IRF4: variants seen among roughly 807,000 people sequenced by gnomAD.
The protein encoded by IRF4 is interferon regulatory factor 4.
Under a neutral mutation model 55.5 loss-of-function variants are expected in IRF4, and 13 were observed. That is an observed-to-expected ratio of 0.23 (90% confidence interval 0.15 to 0.37). The LOEUF (loss-of-function observed/expected upper bound fraction) is 0.37. Among genes scored for constraint, IRF4 ranks in the 10% least tolerant of loss-of-function variants. IRF4 has a pLI of 1.00. For synonymous variants in IRF4, 249 were observed against 240.7 expected, an observed-to-expected ratio of 1.03 and a Z score of -0.32; for missense variants, 397 against 593.8, an observed-to-expected ratio of 0.67 and a Z score of 3.44.
intron 8 of IRF4, chr6:406,773 G>A: frequency 9.2e-6 from 11 of 1,191,720 alleles, no homozygotes; most frequent in Non-Finnish European, 1.1e-5. Flanking sequence ...CAGGTACTTA[G>A]GAGTTTAGCT....
intron 3 of IRF4, among the ~76,000 whole-genome samples, 158 bp downstream of exon 3, chr6:395,165 T>C (rs942496777): frequency 3.3e-5 from 5 of 151,822 alleles, no homozygotes; most frequent in Non-Finnish European, 7.3e-5. Context: ...GCCTGAGTTA[T>C]GTGGGTCACA....
At position 408,667 on chromosome 6, in the gene IRF4, A is replaced by C. The variant is rs180974601; in HGVS notation, c.*1069A>C. 2 of 229,814 alleles carry C rather than the reference A, an allele frequency of 8.7e-6. No homozygotes were observed. The highest frequency in any genetic ancestry group is 1.7e-5 in the Non-Finnish European group (2 of 115,834). The allele number at this position is 229,814 out of a possible 1,614,324, so 14.2% of individuals were successfully genotyped here. ...TGCCCTTCTGTCCAAGTACTTAACTATCTGTTCCCTTCCTCTGTGCCACGC... is the reference window on the plus strand; with the variant it reads ...TGCCCTTCTGTCCAAGTACTTAACTCTCTGTTCCCTTCCTCTGTGCCACGC... On this transcript the variant is annotated 3_prime_UTR_variant, in exon 9 of 9. Transcript: ENST00000380956.
chr6:409,355 C>T lies in IRF4; in HGVS notation c.*1757C>T, dbSNP rs1468543292. 1 of 198,170 alleles carries T rather than the reference C, an allele frequency of 5.0e-6. No homozygotes were observed. The highest frequency in any genetic ancestry group is 7.7e-5 in the East Asian group (1 of 12,984). 12.3% of individuals were successfully genotyped at this position (198,170 alleles called of 1,614,324 possible). ...AAAATAAAAAGGATCTCCTTTTTTCCCAGCCCAAATTCTCCTCTCTAAAAG... is the reference window on the plus strand; with the variant it reads ...AAAATAAAAAGGATCTCCTTTTTTCTCAGCCCAAATTCTCCTCTCTAAAAG... On this transcript the variant is annotated 3_prime_UTR_variant, in exon 9 of 9. Transcript: ENST00000380956.
At position 409,212 on chromosome 6, in the gene IRF4, G is replaced by A. The variant is rs867615954; in HGVS notation, c.*1614G>A. The A allele has an allele frequency of 4.2e-4, 85 of 203,058 alleles. No homozygotes were observed. The highest frequency in any genetic ancestry group is 1.9e-3 in the African/African-American group (81 of 43,610). The allele number at this position is 203,058 out of a possible 1,614,324, so 12.6% of individuals were successfully genotyped here. On this transcript the variant is annotated 3_prime_UTR_variant, in exon 9 of 9. Coordinates refer to ENST00000380956, the MANE Select transcript of IRF4 (RefSeq NM_002460.4). Reference sequence around the variant, plus strand: ...CAGCCTTTATCAAGCTTAGTGAGCAGTGAGCACTGAAACATTATTTTTTAA... The same window carrying A: ...CAGCCTTTATCAAGCTTAGTGAGCAATGAGCACTGAAACATTATTTTTTAA...
Position 408,287 on chromosome 6 carries a change from G to A in IRF4, c.*689G>A. 4.3e-6 allele frequency: 1 copy of A among 232,266 alleles called. No homozygotes were observed. The highest frequency in any genetic ancestry group is 8.5e-6 in the Non-Finnish European group (1 of 117,130). 14.4% of individuals were successfully genotyped at this position (232,266 alleles called of 1,614,324 possible). On this transcript the variant is annotated 3_prime_UTR_variant, in exon 9 of 9. Coordinates refer to ENST00000380956, the MANE Select transcript of IRF4 (RefSeq NM_002460.4). ...AGTTCTTGTGGAAGACACTTGCTGA[G>A]TGAAGGAAATGAATCTTTGACTGAA... is the stretch of plus-strand genomic sequence containing the variant.
At chr6:400,374 T>C (rs1466108416) in intron 6 of IRF4, among the ~76,000 whole-genome samples, 1 of 152,166 alleles carries the variant, frequency 6.6e-6, no homozygotes, top group Non-Finnish European at 1.5e-5. Flanking sequence ...CTTGGTTCTT[T>C]CAACTCATGG....
chr6:393,012 G>T lies in IRF4; in HGVS notation c.-55-86G>T. The T allele has an allele frequency of 1.3e-6, 1 of 747,832 alleles. No homozygotes were observed. The highest frequency in any genetic ancestry group is 2.1e-6 in the Non-Finnish European group (1 of 476,326). The allele number at this position is 747,832 out of a possible 1,614,324, so 46.3% of individuals were successfully genotyped here. A position where few individuals can be genotyped will look rare whatever the true frequency, so the allele number is the denominator to read the frequency against. On this transcript the variant is annotated intron_variant, in intron 1 of 8. Coordinates refer to ENST00000380956, the MANE Select transcript of IRF4 (RefSeq NM_002460.4). This position sits in a 1 kb window ranked among gnomAD's most constrained non-coding sequence, Gnocchi z 5.4. Reference sequence around the variant, plus strand: ...GCTTCGCAGCCTCAAAGACTCCGGGGCCTCGTGGTCACTGGCGCAGGGGAT... The same window carrying T: ...GCTTCGCAGCCTCAAAGACTCCGGGTCCTCGTGGTCACTGGCGCAGGGGAT...
At chr6:398,783 G>C in intron 5 of IRF4, 45 bp from the exon 6 acceptor site, 1 of 1,454,256 alleles carries the variant, frequency 6.9e-7, no homozygotes, top group Non-Finnish European at 9.6e-7. Flanking sequence ...GCGGTGCGTC[G>C]GACTCTCTGT....
Position 409,103 on chromosome 6 carries a change from G to A in IRF4, c.*1505G>A, listed in dbSNP as rs1297414486. The A allele has an allele frequency of 1.8e-5, 4 of 216,914 alleles. No individual in the cohort carries two copies. The highest frequency in any genetic ancestry group is 9.0e-5 in the African/African-American group (4 of 44,530). 13.4% of individuals were successfully genotyped at this position (216,914 alleles called of 1,614,324 possible). On this transcript the variant is annotated 3_prime_UTR_variant, in exon 9 of 9. Transcript: ENST00000380956. ...AGAAGATTGCGTAGCTCTCAAATGT[G>A]TGTTCCTGCTTTTCTAATGGATATT... is the stretch of plus-strand genomic sequence containing the variant.
chr6:393,419 A>T lies in IRF4; in HGVS notation c.216+51A>T. 3.8e-6 allele frequency: 4 copies of T among 1,044,140 alleles called. No homozygotes were observed. Among genetic ancestry groups the T allele is most frequent in the South Asian group, 1.7e-5 (1 of 59,880 alleles). 64.7% of individuals were successfully genotyped at this position (1,044,140 alleles called of 1,614,324 possible). A position where few individuals can be genotyped will look rare whatever the true frequency, so the allele number is the denominator to read the frequency against. On this transcript the variant is annotated intron_variant, in intron 2 of 8. Coordinates refer to ENST00000380956, the MANE Select transcript of IRF4 (RefSeq NM_002460.4). The surrounding 1 kb of genome is among the most constrained non-coding windows in gnomAD (Gnocchi z 5.4). ...GGCGCGCCGGGGAGGGCCCAGAGACAGAGCCCGGGGTCCCCGGCGCCGCCT... is the reference window on the plus strand; with the variant it reads ...GGCGCGCCGGGGAGGGCCCAGAGACTGAGCCCGGGGTCCCCGGCGCCGCCT...
rs1206239895 is a variant in IRF4, at chr6:397,216, C to T, written c.601C>T (p.Arg201Cys). The change falls in exon 5 of 9, where the codon CGC becomes TGC. Residue 201 changes from arginine to cysteine, a missense_variant. By Grantham distance (180) the Arg-to-Cys change is radical (BLOSUM62 -3). Coordinates refer to ENST00000380956, the MANE Select transcript of IRF4 (RefSeq NM_002460.4). Reference sequence around the variant, plus strand: ...CCAATGTCCCATGACGTTTGGACCCCGCGGCCACCACTGGCAAGGCCCAGC... The same window carrying T: ...CCAATGTCCCATGACGTTTGGACCCTGCGGCCACCACTGGCAAGGCCCAGC... ...PYQCPMTFGP[R>C]GHHWQGPACE... is the part of the protein sequence containing the mutation. The T allele has an allele frequency of 3.1e-6, 5 of 1,614,132 alleles. No individual in the cohort carries two copies. The highest frequency in any genetic ancestry group is 4.2e-6 in the Non-Finnish European group (5 of 1,180,060).
At chr6:403,149 C>T (rs1287279364) in intron 7 of IRF4, among the ~76,000 whole-genome samples, 1 of 152,230 alleles carries the variant, frequency 6.6e-6, no homozygotes, top group African/African-American at 2.4e-5. Context: ...GGGCTGGACA[C>T]CTCTCATTCT....
Position 410,723 on chromosome 6 carries a change from C to T in IRF4, c.*3125C>T, listed in dbSNP as rs756155641. 5.6e-5 allele frequency: 13 copies of T among 231,354 alleles called. No individual in the cohort carries two copies. The highest frequency in any genetic ancestry group is 1.0e-4 in the Non-Finnish European group (12 of 116,886). 14.3% of individuals were successfully genotyped at this position (231,354 alleles called of 1,614,324 possible). On this transcript the variant is annotated 3_prime_UTR_variant, in exon 9 of 9. Transcript: ENST00000380956. ...ACAATTCAGATCCAGTGTAAACTTC[C>T]GTTCATTGCTCTCCAGTCACATGCC... is the stretch of plus-strand genomic sequence containing the variant.
chr6:399,303 C>T (rs993202177), intron 6 of IRF4, among the ~76,000 whole-genome samples: 2 of 152,154 alleles, frequency 1.3e-5, no homozygotes, highest in African/African-American at 4.8e-5. Context: ...AAGGGCTTCT[C>T]ATTTTGAGAA....
rs2127443786 is a variant in IRF4, at chr6:409,144, A to G, written c.*1546A>G. 4.7e-6 allele frequency: 1 copy of G among 211,344 alleles called. No homozygotes were observed. The highest frequency in any genetic ancestry group is 7.0e-5 in the East Asian group (1 of 14,254). The allele number at this position is 211,344 out of a possible 1,614,324, so 13.1% of individuals were successfully genotyped here. A position where few individuals can be genotyped will look rare whatever the true frequency, so the allele number is the denominator to read the frequency against. ...AATGGATATTTTAAATTCATTCAAC[A>G]AGCACCTAGTAAGTGCCTGCTGTAT... On this transcript the variant is annotated 3_prime_UTR_variant, in exon 9 of 9. Coordinates refer to ENST00000380956, the MANE Select transcript of IRF4 (RefSeq NM_002460.4).
At chr6:396,167 C>G (rs1581223490) in intron 4 of IRF4, 2 of 525,218 alleles carry the variant, frequency 3.8e-6, no homozygotes, top group East Asian at 6.4e-5. Flanking sequence ...TTGGAATATG[C>G]TTCTCAGGTC....
intron 7 of IRF4, 136 bp downstream of exon 7, chr6:401,913 T>C: frequency 4.3e-6 from 3 of 690,276 alleles, no homozygotes; most frequent in Non-Finnish European, 7.5e-6. Context: ...GGCTTGGGGC[T>C]TGACTCCAGT....
chr6:395,129 G>T (rs1761219431), intron 3 of IRF4, 122 bp downstream of exon 3: 1 of 754,474 alleles, frequency 1.3e-6, no homozygotes, highest in Non-Finnish European at 2.1e-6. Context: ...CCTGCCTTCT[G>T]CCTCACAGTG....
chr6:393,078 G>A lies in IRF4; in HGVS notation c.-55-20G>A. On this transcript the variant is annotated intron_variant, in intron 1 of 8. Coordinates refer to ENST00000380956, the MANE Select transcript of IRF4 (RefSeq NM_002460.4). The surrounding 1 kb of genome is among the most constrained non-coding windows in gnomAD (Gnocchi z 5.4). ...GGAGTGCGGTGCCTCGTGGCTGAAG[G>A]GCAGCTCTTCTCCCCGCAGTGCAGA... 1 of 1,368,482 alleles carries A rather than the reference G, an allele frequency of 7.3e-7. No individual in the cohort carries two copies. The highest frequency in any genetic ancestry group is 1.0e-6 in the Non-Finnish European group (1 of 1,004,142). 84.8% of individuals were successfully genotyped at this position (1,368,482 alleles called of 1,614,324 possible). A position where few individuals can be genotyped will look rare whatever the true frequency, so the allele number is the denominator to read the frequency against.
Sources: gnomAD v4.1 joint callset for allele counts (sites outside exome capture counted in the v4.1 genomes callset) on GRCh38, gnomAD v4.1.1 for gene constraint, Gnocchi (gnomAD v3.1) non-coding constraint, MANE v1.5 for transcripts, NCBI Gene and HGNC (gene_info 2026-07-23, HGNC 2026-07-21) for gene names.